Variants in NBEA observed in about 807,000 individuals in gnomAD.
NBEA encodes neurobeachin, also known as lysosomal-trafficking regulator 2.
Under a neutral mutation model 343.4 loss-of-function variants are expected in NBEA, and 44 were observed. That is an observed-to-expected ratio of 0.13 (90% CI 0.10 to 0.16). The LOEUF (loss-of-function observed/expected upper bound fraction) is 0.16. NBEA is among the 10% of genes least tolerant of loss of function. The pLI is 1.00. For synonymous variants in NBEA, 1,175 were observed against 1,238.7 expected (o/e 0.95, Z 1.08); for missense variants, 2,555 against 3,631.3 (o/e 0.70, Z 7.62).
chr13:34,989,664 C>G (rs73485762), intron 1 of NBEA, among the ~76,000 whole-genome samples: 2,359 of 150,840 alleles, frequency 0.016, 88 homozygotes, highest in African/African-American at 0.054. Flanking sequence ...CATTCCACAC[C>G]TAGCCCTCCC....
intron 28 of NBEA, among the ~76,000 whole-genome samples, chr13:35,181,696 G>A (rs953917393): frequency 6.6e-6 from 1 of 151,604 alleles, no homozygotes; most frequent in African/African-American, 2.4e-5. Context: ...TGTTTTTGTT[G>A]CATTTGCTTT....
At chr13:35,044,263 T>G (rs964269007) in intron 2 of NBEA, among the ~76,000 whole-genome samples, 12 of 152,328 alleles carry the variant, frequency 7.9e-5, no homozygotes, top group African/African-American at 2.6e-4. Context: ...TTCTACCACT[T>G]GCTAGGTCTA....
chr13:34,942,650 A>T lies in NBEA; in HGVS notation c.-171A>T. 2.7e-6 allele frequency: 1 copy of T among 364,924 alleles called. No individual in the cohort carries two copies. The highest frequency in any genetic ancestry group is 4.7e-6 in the Non-Finnish European group (1 of 213,352). The allele number at this position is 364,924 out of a possible 1,614,324, so 22.6% of individuals were successfully genotyped here. ...ATCCCCCGCCGCCTCCGCGGGGGAG[A>T]GCGCCGGAGCGGGCCGGGCTGAGGC... is the stretch of plus-strand genomic sequence containing the variant. On this transcript the variant is annotated 5_prime_UTR_variant, in exon 1 of 59. Transcript: ENST00000379939.
intron 38 of NBEA, among the ~76,000 whole-genome samples, chr13:35,374,484 G>A (rs2041632299): frequency 6.6e-6 from 1 of 152,122 alleles, no homozygotes; most frequent in African/African-American, 2.4e-5. Flanking sequence ...CTTGATACAG[G>A]GTTGTCACAG....
At chr13:35,517,158 C>T (rs1006761581) in intron 41 of NBEA, among the ~76,000 whole-genome samples, 7 of 152,148 alleles carry the variant, frequency 4.6e-5, no homozygotes, top group African/African-American at 7.2e-5. Flanking sequence ...ACTGAGCTTC[C>T]GAAATCCTAA....
At chr13:35,084,991 G>A (rs960883522) in intron 10 of NBEA, among the ~76,000 whole-genome samples, 13 of 152,232 alleles carry the variant, frequency 8.5e-5, no homozygotes, top group African/African-American at 3.1e-4. Flanking sequence ...AGAAGAAATG[G>A]ATGAATTCCT....
At chr13:35,649,574 T>A in intron 51 of NBEA, 81 bp from the exon 52 acceptor site, 1 of 1,196,394 alleles carries the variant, frequency 8.4e-7, no homozygotes. Context: ...CTTGTCTGTT[T>A]AACCTCATTC....
intron 38 of NBEA, among the ~76,000 whole-genome samples, chr13:35,390,733 T>C (rs1162119610): frequency 6.6e-6 from 1 of 152,166 alleles, no homozygotes; most frequent in African/African-American, 2.4e-5. Context: ...TCTTCAAGAA[T>C]ATTTTTTGGA....
intron 38 of NBEA, among the ~76,000 whole-genome samples, chr13:35,365,260 A>C (rs2041034601): frequency 6.6e-6 from 1 of 151,830 alleles, no homozygotes; most frequent in African/African-American, 2.4e-5. Context: ...GATAATGAAG[A>C]AAATCAGCAT....
intron 36 of NBEA, among the ~76,000 whole-genome samples, chr13:35,330,326 T>A (rs533801416): frequency 2.6e-5 from 4 of 152,194 alleles, no homozygotes; most frequent in Middle Eastern, 6.8e-3. Context: ...GTCATTTGTT[T>A]TTATCAGGAT....
intron 30 of NBEA, among the ~76,000 whole-genome samples, chr13:35,187,826 A>G (rs557213862): frequency 6.6e-6 from 1 of 152,144 alleles, no homozygotes; most frequent in Non-Finnish European, 1.5e-5. Context: ...ATCTCATGCT[A>G]TTCTTTCTTT....
At chr13:35,233,567 G>A (rs981077263) in intron 34 of NBEA, among the ~76,000 whole-genome samples, 14 of 152,090 alleles carry the variant, frequency 9.2e-5, no homozygotes, top group African/African-American at 2.9e-4. Flanking sequence ...GCACTTTAGG[G>A]TTCTTGTGAA....
chr13:34,992,429 T>G (rs2060794601), intron 1 of NBEA, among the ~76,000 whole-genome samples: 1 of 151,254 alleles, frequency 6.6e-6, no homozygotes, highest in Non-Finnish European at 1.5e-5. Context: ...TACTTTTTTG[T>G]ATTTTTAGGA....
chr13:35,464,081 A>G (rs2047047528), intron 40 of NBEA, among the ~76,000 whole-genome samples: 1 of 152,178 alleles, frequency 6.6e-6, no homozygotes, highest in African/African-American at 2.4e-5. Context: ...TTCATTTATT[A>G]TATAATCAGG....
chr13:35,401,741 C>A (rs547131488), intron 38 of NBEA, among the ~76,000 whole-genome samples: 2 of 152,070 alleles, frequency 1.3e-5, no homozygotes, highest in South Asian at 4.2e-4. Context: ...TTATTATCAG[C>A]TAAATGTACA....
intron 1 of NBEA, among the ~76,000 whole-genome samples, chr13:35,016,596 ACAC>A (rs1271447330): frequency 2.9e-5 from 3 of 103,358 alleles, no homozygotes; most frequent in African/African-American, 1.3e-4. Context: ...GTATACACAC[ACAC>A]ACACACACAC....
chr13:35,165,243 T>C, intron 24 of NBEA: 1 of 423,550 alleles, frequency 2.4e-6, no homozygotes. Flanking sequence ...TAACAAGCTT[T>C]TTCTACATGA....
chr13:35,171,372 C>T lies in NBEA; in HGVS notation c.4343C>T (p.Ala1448Val), dbSNP rs1212966817. ...LMAMVDVLVF[A>V]SSLNFSEIEA... ...GCTATGGTTGATGTACTTGTGTTTG[C>T]AAGCTCTCTAAATTTTAGTGAGATT... The change falls in exon 26 of 59, where the codon GCA becomes GTA. Residue 1448 changes from alanine to valine, a missense_variant. Ala to Val is a moderately conservative substitution (Grantham distance 64). Transcript: ENST00000379939. The T allele has an allele frequency of 6.2e-7, 1 of 1,612,068 alleles. No individual in the cohort carries two copies. The highest frequency in any genetic ancestry group is 8.5e-7 in the Non-Finnish European group (1 of 1,178,530).
intron 41 of NBEA, among the ~76,000 whole-genome samples, chr13:35,522,326 G>T (rs754317930): frequency 2.6e-5 from 4 of 151,692 alleles, no homozygotes; most frequent in Non-Finnish European, 4.4e-5. Context: ...AAATTAGCCA[G>T]GTATGGTGGC....
Sources: gnomAD v4.1 joint callset for allele counts (sites outside exome capture counted in the v4.1 genomes callset) on GRCh38, gnomAD v4.1.1 for gene constraint, MANE v1.5 for transcripts, NCBI Gene and HGNC (gene_info 2026-07-23, HGNC 2026-07-21) for gene names.